Variants in ENPP6 observed in about 807,000 individuals in gnomAD.
ENPP6 encodes glycerophosphocholine cholinephosphodiesterase ENPP6.
In ENPP6, 32 loss-of-function variants were observed where a neutral mutation model predicts 42.0. The ratio of observed to expected loss-of-function variants is 0.76; its 90% CI spans 0.58 to 1.02. The LOEUF is 1.02. Ranked by LOEUF, ENPP6 falls within the 50% of genes least tolerant of loss-of-function variation. The pLI is 0.00. For synonymous variants in ENPP6, 213 were observed against 216.0 expected (o/e 0.99, Z 0.12); for missense variants, 552 against 566.8 (o/e 0.97, Z 0.27).
At chr4:184,185,393 C>T (rs964853232) in intron 1 of ENPP6, among the ~76,000 whole-genome samples, 4 of 152,172 alleles carry the variant, frequency 2.6e-5, no homozygotes, top group African/African-American at 4.8e-5. Flanking sequence ...TGAGGGACAA[C>T]GCATCCCTGT....
chr4:184,141,903 T>C (rs181460916), intron 2 of ENPP6, among the ~76,000 whole-genome samples: 1 of 152,334 alleles, frequency 6.6e-6, no homozygotes, highest in East Asian at 1.9e-4. Context: ...AACACAAATA[T>C]GCAAATCTGT....
intron 3 of ENPP6, among the ~76,000 whole-genome samples, chr4:184,118,675 T>A (rs956954248): frequency 6.6e-6 from 1 of 152,256 alleles, no homozygotes; most frequent in African/African-American, 2.4e-5. Flanking sequence ...CTCTTGCCTG[T>A]CTGGAGTTTA....
Position 184,195,784 on chromosome 4 carries a change from G to T in ENPP6, c.241+21795C>A, listed in dbSNP as rs548271621. On this transcript the variant is annotated intron_variant, in intron 1 of 7. Coordinates refer to ENST00000296741, the MANE Select transcript of ENPP6 (RefSeq NM_153343.4). The stretch of plus-strand genomic sequence containing the variant: ...ATTTAAATAAAAACTGAGAAATGCA[G>T]TATTTCTTATACACCCAAGTCTGTG... Among the ~76,000 whole-genome samples the T allele has an allele frequency of 3.3e-5, 5 of 152,344 alleles. No homozygotes were observed. In the East Asian group the frequency reaches 9.6e-4, roughly 29 times the overall value.
chr4:184,197,768 A>G lies in ENPP6; in HGVS notation c.241+19811T>C, dbSNP rs1014680372. On this transcript the variant is annotated intron_variant, in intron 1 of 7. Coordinates refer to ENST00000296741, the MANE Select transcript of ENPP6 (RefSeq NM_153343.4). ...TGTTATATCTTACACAGAAAAATGC[A>G]TGCTAAAATAGACTATGAAAGTCAC... 2.6e-5 allele frequency among the ~76,000 whole-genome samples: 4 copies of G among 152,362 alleles called. No individual in the cohort carries two copies. In the East Asian group the frequency reaches 7.7e-4, roughly 29 times the overall value.
intron 2 of ENPP6, among the ~76,000 whole-genome samples, chr4:184,148,077 T>C (rs1736958223): frequency 1.3e-5 from 2 of 152,216 alleles, no homozygotes; most frequent in Admixed American, 1.3e-4. Context: ...TGCTTGCTTT[T>C]CATTATTGTA....
chr4:184,113,639 T>A (rs780911193), intron 5 of ENPP6, among the ~76,000 whole-genome samples: 1 of 152,204 alleles, frequency 6.6e-6, no homozygotes, highest in Non-Finnish European at 1.5e-5. Flanking sequence ...ATTGCAAAGA[T>A]CAAAAAAGAG....
intron 5 of ENPP6, among the ~76,000 whole-genome samples, chr4:184,114,761 T>C (rs1454184026): frequency 3.1e-5 from 3 of 96,870 alleles, no homozygotes; most frequent in Non-Finnish European, 7.3e-5. Flanking sequence ...AGGATGATCT[T>C]TCTTGCCAAA....
At chr4:184,199,500 G>A (rs543859270) in intron 1 of ENPP6, among the ~76,000 whole-genome samples, 13 of 152,344 alleles carry the variant, frequency 8.5e-5, no homozygotes, top group African/African-American at 2.9e-4. Flanking sequence ...CAAATCCTTA[G>A]ACACACAGAG....
At position 184,116,863 on chromosome 4, in the gene ENPP6, T is replaced by C. The variant is rs1246589858; in HGVS notation, c.848A>G (p.His283Arg). ...CCCACGGGTCTGTCTTGCCTCAGAG[T>C]GTTTCCCAGGGGCCGGCCAAAGGCT... ...VVSLWPAPGKHSEIYNKLSTV... is the reference protein window; with the variant it reads ...VVSLWPAPGKRSEIYNKLSTV... The change falls in exon 5 of 8, where the codon CAC (histidine) becomes CGC (arginine). Residue 283 changes from histidine (H) to arginine (R), a missense_variant. Coordinates refer to ENST00000296741, the MANE Select transcript of ENPP6 (RefSeq NM_153343.4). 6.2e-7 allele frequency: 1 copy of C among 1,613,052 alleles called. No individual in the cohort carries two copies. Among genetic ancestry groups the C allele is most frequent in the Admixed American group, 1.7e-5 (1 of 60,014 alleles).
intron 2 of ENPP6, among the ~76,000 whole-genome samples, chr4:184,149,976 A>G (rs1244831339): frequency 2.0e-5 from 3 of 152,096 alleles, no homozygotes; most frequent in Admixed American, 6.5e-5. Context: ...AACCCCTGCC[A>G]ATTCTTTTAA....
chr4:184,187,243 G>A (rs1273126983), intron 1 of ENPP6, among the ~76,000 whole-genome samples: 1 of 152,228 alleles, frequency 6.6e-6, no homozygotes, highest in Non-Finnish European at 1.5e-5. Context: ...AGAGGAAAAG[G>A]CCTGCACCAG....
At chr4:184,211,558 T>C (rs879689926) in intron 1 of ENPP6, among the ~76,000 whole-genome samples, 5 of 152,238 alleles carry the variant, frequency 3.3e-5, no homozygotes, top group African/African-American at 7.2e-5. Context: ...AATCTCTGAA[T>C]AGACCAATAA....
At chr4:184,181,691 C>G (rs1732555325) in intron 1 of ENPP6, among the ~76,000 whole-genome samples, 1 of 151,920 alleles carries the variant, frequency 6.6e-6, no homozygotes, top group Admixed American at 6.6e-5. Flanking sequence ...GAATAGAAAC[C>G]CAGAAATGAG....
intron 1 of ENPP6, among the ~76,000 whole-genome samples, chr4:184,163,558 C>G (rs1426291331): frequency 6.6e-6 from 1 of 152,104 alleles, no homozygotes; most frequent in African/African-American, 2.4e-5. Context: ...AAAAAAAACA[C>G]AACATTGTAT....
intron 2 of ENPP6, among the ~76,000 whole-genome samples, chr4:184,136,095 C>G (rs1478197863): frequency 6.6e-6 from 1 of 151,646 alleles, no homozygotes. Flanking sequence ...GTGCCATTTC[C>G]CTTCCTCTAT....
In ENPP6 at chr4:184,142,997, G is replaced by A. The variant is rs542408459; in HGVS notation, c.421+10557C>T. On this transcript the variant is annotated intron_variant, in intron 2 of 7. Transcript: ENST00000296741. Reference sequence around the variant, plus strand: ...CACAGGGTCTTTGTGTCTGAGGCACGTGCCTCATGACCTTCTCAATCTTGA... The same window carrying A: ...CACAGGGTCTTTGTGTCTGAGGCACATGCCTCATGACCTTCTCAATCTTGA... Among the ~76,000 whole-genome samples the A allele has an allele frequency of 5.9e-5, 9 of 152,254 alleles. No individual in the cohort carries two copies. In the East Asian group the frequency reaches 9.7e-4, roughly 16 times the overall value.
chr4:184,201,135 C>A (rs547035425), intron 1 of ENPP6, among the ~76,000 whole-genome samples: 1 of 152,312 alleles, frequency 6.6e-6, no homozygotes, highest in African/African-American at 2.4e-5. Context: ...ACCCCCAGCT[C>A]TGCCCCAGGT....
At chr4:184,214,963 C>G (rs191148889) in intron 1 of ENPP6, among the ~76,000 whole-genome samples, 3 of 152,122 alleles carry the variant, frequency 2.0e-5, no homozygotes, top group Non-Finnish European at 4.4e-5. Flanking sequence ...CAAAACTGCA[C>G]GTTCTGCACA....
At chr4:184,108,117 T>C (rs1205364150) in intron 6 of ENPP6, among the ~76,000 whole-genome samples, 2 of 152,178 alleles carry the variant, frequency 1.3e-5, no homozygotes, top group African/African-American at 2.4e-5. Context: ...ATCTTCCATG[T>C]TTCTGGGATG....
Sources: gnomAD v4.1 joint callset for allele counts (sites outside exome capture counted in the v4.1 genomes callset) on GRCh38, gnomAD v4.1.1 for gene constraint, MANE v1.5 for transcripts, NCBI Gene and HGNC (gene_info 2026-07-23, HGNC 2026-07-21) for gene names.